Variants in VPS13A observed in about 807,000 individuals in gnomAD.
VPS13A encodes the protein vacuolar protein sorting 13 homolog A.
In VPS13A, 264 loss-of-function variants were observed where a neutral mutation model predicts 390.9. The observed-to-expected ratio is 0.68, with a 90% CI of 0.61 to 0.75. The LOEUF is 0.75. Among genes scored for constraint, VPS13A ranks in the 30% least tolerant of loss-of-function variants. VPS13A has a pLI of 0.00. For missense variants in VPS13A, 3,409 were observed against 3,733.9 expected, an observed-to-expected ratio of 0.91 and a Z score of 2.27; for synonymous variants, 1,231 against 1,227.1, an observed-to-expected ratio of 1.00 and a Z score of -0.07.
intron 14 of VPS13A, among the ~76,000 whole-genome samples, 184 bp from the exon 15 acceptor site, chr9:77,226,282 A>G (rs566110255): frequency 2.0e-5 from 3 of 152,202 alleles, no homozygotes; most frequent in African/African-American, 7.2e-5. Context: ...TGGAAAAACT[A>G]TGTGGTACTC....
chr9:77,252,012 T>TA (rs1205922942), intron 21 of VPS13A, among the ~76,000 whole-genome samples: 1 of 152,186 alleles, frequency 6.6e-6, no homozygotes, highest in African/African-American at 2.4e-5. Flanking sequence ...ACTGCCATGT[T>TA]ACTTTTTTGG....
chr9:77,184,023 C>A (rs922427454), intron 1 of VPS13A, among the ~76,000 whole-genome samples: 1 of 152,224 alleles, frequency 6.6e-6, no homozygotes, highest in Non-Finnish European at 1.5e-5. Flanking sequence ...CTAAATACTT[C>A]AGCATGTGTA....
chr9:77,369,750 A>G (rs749048252), intron 63 of VPS13A, among the ~76,000 whole-genome samples: 5 of 152,246 alleles, frequency 3.3e-5, no homozygotes, highest in African/African-American at 7.2e-5. Context: ...TGGCCAAGCA[A>G]TCTTAAAAAT....
chr9:77,217,690 T>C (rs535672102), intron 10 of VPS13A, among the ~76,000 whole-genome samples: 3 of 152,228 alleles, frequency 2.0e-5, no homozygotes, highest in Non-Finnish European at 4.4e-5. Context: ...ATGTACCACA[T>C]TGTCCGGTTA....
At chr9:77,412,505 C>T (rs1040952781) in intron 71 of VPS13A, among the ~76,000 whole-genome samples, 23 of 152,298 alleles carry the variant, frequency 1.5e-4, no homozygotes, top group Middle Eastern at 3.4e-3. Flanking sequence ...ATATGATTAT[C>T]GCAATACATG....
chr9:77,242,085 T>A (rs1345046967), intron 19 of VPS13A, among the ~76,000 whole-genome samples: 2 of 152,196 alleles, frequency 1.3e-5, no homozygotes, highest in Non-Finnish European at 2.9e-5. Flanking sequence ...AGTTTTAAAA[T>A]TCTGGTTTTG....
intron 33 of VPS13A, among the ~76,000 whole-genome samples, chr9:77,297,840 G>A (rs1368264221): frequency 6.6e-6 from 1 of 152,060 alleles, no homozygotes; most frequent in Non-Finnish European, 1.5e-5. Flanking sequence ...TTTTGAAAAG[G>A]TTCTAGAAAT....
At chr9:77,263,571 C>T (rs543256425) in intron 23 of VPS13A, among the ~76,000 whole-genome samples, 9 of 152,218 alleles carry the variant, frequency 5.9e-5, no homozygotes, top group East Asian at 3.9e-4. Context: ...TCATATCCTT[C>T]GCCTACTTTT....
At position 77,283,528 on chromosome 9, in the gene VPS13A, C is replaced by A. The variant is rs377056221; in HGVS notation, c.3236-19C>A. ...GACATTAAATGAAAGAAAAGGCAGT[C>A]ATTCTTTTGTTCCCTTAGGGCTTGA... On this transcript the variant is annotated intron_variant, in intron 30 of 71. Transcript: ENST00000360280. 1 of 1,608,718 alleles carries A rather than the reference C, an allele frequency of 6.2e-7. No homozygotes were observed.
At chr9:77,244,738 A>G (rs1453795208) in intron 19 of VPS13A, among the ~76,000 whole-genome samples, 1 of 152,148 alleles carries the variant, frequency 6.6e-6, no homozygotes, top group Non-Finnish European at 1.5e-5. Flanking sequence ...TTCACAGAGC[A>G]GACAAGTGGG....
At chr9:77,243,898 AC>A (rs2131250188) in intron 19 of VPS13A, among the ~76,000 whole-genome samples, 1 of 152,296 alleles carries the variant, frequency 6.6e-6, no homozygotes, top group South Asian at 2.1e-4. Context: ...TGAATTATTA[AC>A]TGTAATGAGG....
chr9:77,406,864 A>T (rs1257395312), intron 70 of VPS13A, among the ~76,000 whole-genome samples: 2 of 152,092 alleles, frequency 1.3e-5, no homozygotes, highest in Non-Finnish European at 2.9e-5. Context: ...ACAGAGGAAA[A>T]CATCATCCTT....
chr9:77,259,766 A>G (rs1047804366), intron 22 of VPS13A, among the ~76,000 whole-genome samples: 1 of 152,220 alleles, frequency 6.6e-6, no homozygotes, highest in Admixed American at 6.5e-5. Context: ...ATAGATTGTG[A>G]GGACTGTTTA....
chr9:77,276,271 T>C, intron 26 of VPS13A, 50 bp downstream of exon 26: 2 of 1,461,250 alleles, frequency 1.4e-6, no homozygotes, highest in Non-Finnish European at 1.8e-6. Context: ...ATTGTTTGAC[T>C]ACCTGCTAGA....
At chr9:77,299,479 G>T (rs190130227) in intron 33 of VPS13A, among the ~76,000 whole-genome samples, 1 of 152,142 alleles carries the variant, frequency 6.6e-6, no homozygotes, top group Non-Finnish European at 1.5e-5. Context: ...GTTGGTGTGC[G>T]TGTAAATTAG....
chr9:77,298,952 G>A lies in VPS13A; in HGVS notation c.3812+3106G>A, dbSNP rs146592929. 2.6e-5 allele frequency among the ~76,000 whole-genome samples: 4 copies of A among 152,224 alleles called. No individual in the cohort carries two copies. In the East Asian group the frequency reaches 7.7e-4, roughly 29 times the overall value. On this transcript the variant is annotated intron_variant, in intron 33 of 71. Coordinates refer to ENST00000360280, the MANE Select transcript of VPS13A (RefSeq NM_033305.3). ...ACTTTCTGCCATGCTTGTGAGGAAGGGGTCCAGTTTCAGTTTTCTGCAAAT... is the reference window on the plus strand; with the variant it reads ...ACTTTCTGCCATGCTTGTGAGGAAGAGGTCCAGTTTCAGTTTTCTGCAAAT...
intron 53 of VPS13A, 64 bp downstream of exon 53, chr9:77,351,510 G>A: frequency 6.3e-7 from 1 of 1,586,834 alleles, no homozygotes; most frequent in Non-Finnish European, 8.6e-7. Context: ...TGGGCCGGGT[G>A]CGGTGGCTCA....
chr9:77,220,041 T>A lies in VPS13A; in HGVS notation c.842T>A (p.Ile281Asn), dbSNP rs1385648268. The A allele has an allele frequency of 6.2e-7, 1 of 1,612,350 alleles. No homozygotes were observed. Among genetic ancestry groups the A allele is most frequent in the South Asian group, 1.1e-5 (1 of 91,008 alleles). ...TCTGCCCCCAAAATAAACTTGGAAA[T>A]TGAGTTACATAACATAGCAATTGAA... is the stretch of plus-strand genomic sequence containing the variant. ...DFSAPKINLEIELHNIAIEFN... is the reference protein window; with the variant it reads ...DFSAPKINLENELHNIAIEFN... Residue 281 changes from isoleucine (I) to asparagine (N), a missense_variant, in exon 11 of 72, where the codon ATT (isoleucine) becomes AAT (asparagine). This residue lies in a region of VPS13A where 2,717 missense variants were observed against 2,917.4 expected (regional missense o/e 0.93). Coordinates refer to ENST00000360280, the MANE Select transcript of VPS13A (RefSeq NM_033305.3).
In VPS13A at chr9:77,199,924, CTT is replaced by C; in HGVS notation, c.101-14_101-13del. Reference sequence around the variant, plus strand: ...ATGAAAAATATTTGATTGTTTGAATCTTTTTTTTAATCTTTTTTAGGAGCTGT... The same window carrying C: ...ATGAAAAATATTTGATTGTTTGAATCTTTTTTAATCTTTTTTAGGAGCTGT... On this transcript the variant is annotated intron_variant, in intron 1 of 71. Coordinates refer to ENST00000360280, the MANE Select transcript of VPS13A (RefSeq NM_033305.3). 6.3e-7 allele frequency: 1 copy of C among 1,581,458 alleles called. No homozygotes were observed. Among genetic ancestry groups the C allele is most frequent in the Non-Finnish European group, 8.6e-7 (1 of 1,162,344 alleles).
Sources: allele counts gnomAD v4.1 joint callset (sites outside exome capture counted in the v4.1 genomes callset), GRCh38; gene constraint gnomAD v4.1.1; regional missense constraint gnomAD v4.1.1; transcripts MANE v1.5; gene names NCBI Gene and HGNC (gene_info 2026-07-23, HGNC 2026-07-21).